Variants in DACH1 observed in about 807,000 individuals in gnomAD.
The protein encoded by DACH1 is dachshund family transcription factor 1, also known as dachshund homolog 1.
In DACH1, 12 loss-of-function variants were observed where a neutral mutation model predicts 54.2. That is an observed-to-expected ratio of 0.22 (90% confidence interval 0.14 to 0.36). DACH1 has a LOEUF of 0.36. DACH1 is among the 10% of genes least tolerant of loss of function. The probability of loss-of-function intolerance (pLI) is 1.00; values close to 1 mark genes in which losing one functional copy is unlikely to be tolerated. For missense variants in DACH1, 805 were observed against 929.8 expected, an observed-to-expected ratio of 0.87 and a Z score of 1.75; for synonymous variants, 386 against 366.2, an observed-to-expected ratio of 1.05 and a Z score of -0.62.
chr13:71,579,026 AT>A (rs1885705052), intron 3 of DACH1, among the ~76,000 whole-genome samples: 1 of 152,010 alleles, frequency 6.6e-6, no homozygotes, highest in South Asian at 2.1e-4. Flanking sequence ...ATAATTAGAT[AT>A]TTTTCTTTAG....
At chr13:71,738,367 C>T (rs1884230191) in intron 1 of DACH1, among the ~76,000 whole-genome samples, 1 of 151,974 alleles carries the variant, frequency 6.6e-6, no homozygotes, top group South Asian at 2.1e-4. Context: ...GATACATTTA[C>T]AATATTAATT....
intron 10 of DACH1, among the ~76,000 whole-genome samples, chr13:71,448,129 CTT>C (rs756788851): frequency 3.9e-5 from 6 of 152,160 alleles, no homozygotes; most frequent in Non-Finnish European, 8.8e-5. Flanking sequence ...TTGTTCAAAA[CTT>C]ATATCCAGGC....
intron 6 of DACH1, among the ~76,000 whole-genome samples, chr13:71,539,977 A>C (rs1883029415): frequency 1.3e-5 from 2 of 152,154 alleles, no homozygotes; most frequent in South Asian, 4.1e-4. Flanking sequence ...TGCATCAAAA[A>C]TATGGTAAAT....
intron 10 of DACH1, among the ~76,000 whole-genome samples, chr13:71,453,273 A>G (rs958253035): frequency 3.3e-5 from 5 of 152,334 alleles, no homozygotes; most frequent in East Asian, 1.9e-4. Flanking sequence ...AAATAATCAT[A>G]TAAGTGCAAA....
At chr13:71,461,472 C>T (rs985334142) in intron 10 of DACH1, among the ~76,000 whole-genome samples, 8 of 151,836 alleles carry the variant, frequency 5.3e-5, no homozygotes, top group Non-Finnish European at 8.8e-5. Flanking sequence ...ATAAATAAGC[C>T]CGCATCATAC....
chr13:71,523,136 G>A (rs868376689), intron 6 of DACH1, among the ~76,000 whole-genome samples: 1 of 152,044 alleles, frequency 6.6e-6, no homozygotes, highest in Admixed American at 6.6e-5. Flanking sequence ...AGCCCCTTGT[G>A]CTCTGGCGTA....
intron 3 of DACH1, among the ~76,000 whole-genome samples, chr13:71,608,112 C>T (rs1593977318): frequency 6.6e-6 from 1 of 151,024 alleles, no homozygotes; most frequent in Non-Finnish European, 1.5e-5. Flanking sequence ...TGAATTTATC[C>T]TTAAGAGAGA....
chr13:71,809,579 A>G (rs934727096), intron 1 of DACH1, among the ~76,000 whole-genome samples: 17 of 152,222 alleles, frequency 1.1e-4, no homozygotes, highest in African/African-American at 3.9e-4. Context: ...ACATATAAGG[A>G]ATATTTTTTT....
chr13:71,564,372 T>A (rs1027429333), intron 4 of DACH1, among the ~76,000 whole-genome samples: 2 of 151,566 alleles, frequency 1.3e-5, no homozygotes, highest in Non-Finnish European at 2.9e-5. Flanking sequence ...TAGTCCTGAA[T>A]CAACTTTACC....
chr13:71,598,849 CT>C (rs1874297884), intron 3 of DACH1, among the ~76,000 whole-genome samples: 1 of 152,146 alleles, frequency 6.6e-6, no homozygotes, highest in Non-Finnish European at 1.5e-5. Flanking sequence ...GGGAAAGATA[CT>C]CTTGGGCACC....
intron 10 of DACH1, among the ~76,000 whole-genome samples, chr13:71,453,648 G>A (rs1259729287): frequency 2.0e-5 from 3 of 152,044 alleles, no homozygotes; most frequent in Non-Finnish European, 2.9e-5. Flanking sequence ...TCTCCAACAT[G>A]ACTAATTTGT....
chr13:71,655,706 T>A (rs180752015), intron 2 of DACH1, among the ~76,000 whole-genome samples: 5 of 152,278 alleles, frequency 3.3e-5, no homozygotes, highest in South Asian at 2.1e-4. Flanking sequence ...AAATAAAAAT[T>A]AAAATTAAAA....
intron 6 of DACH1, among the ~76,000 whole-genome samples, chr13:71,551,205 T>C (rs1311469558): frequency 6.6e-6 from 1 of 152,228 alleles, no homozygotes; most frequent in East Asian, 1.9e-4. Flanking sequence ...TGTATATATT[T>C]TGGGAGTACA....
At chr13:71,692,903 C>T (rs1418520603) in intron 1 of DACH1, among the ~76,000 whole-genome samples, 1 of 152,062 alleles carries the variant, frequency 6.6e-6, no homozygotes, top group African/African-American at 2.4e-5. Context: ...GTTATATTAT[C>T]AACTACATAG....
chr13:71,480,645 TA>T (rs1157785016), intron 7 of DACH1, among the ~76,000 whole-genome samples: 4 of 152,154 alleles, frequency 2.6e-5, no homozygotes, highest in Non-Finnish European at 4.4e-5. Context: ...CAACTGAAGT[TA>T]AAATGAGATG....
At chr13:71,692,370 T>C (rs1256051953) in intron 1 of DACH1, among the ~76,000 whole-genome samples, 1 of 152,108 alleles carries the variant, frequency 6.6e-6, no homozygotes, top group African/African-American at 2.4e-5. Context: ...ACTGTCTGCA[T>C]ATTTCTGACT....
chr13:71,652,730 T>C (rs1261152291), intron 2 of DACH1, among the ~76,000 whole-genome samples: 2 of 152,180 alleles, frequency 1.3e-5, no homozygotes, highest in Admixed American at 6.5e-5. Context: ...CTGAATTATA[T>C]TGTTATCATG....
chr13:71,683,876 A>G (rs189257753), intron 1 of DACH1, among the ~76,000 whole-genome samples: 1 of 152,148 alleles, frequency 6.6e-6, no homozygotes, highest in Admixed American at 6.5e-5. Context: ...ATGAATGCTT[A>G]TGTGCTGGAA....
At chr13:71,457,328 C>T (rs9529897) in intron 10 of DACH1, among the ~76,000 whole-genome samples, 115,056 of 151,854 alleles carry the variant, frequency 0.76, 46,523 homozygotes, top group South Asian at 0.9. Flanking sequence ...GACACTTTGT[C>T]ATAGATAAAA....
Sources: allele counts gnomAD v4.1 joint callset (sites outside exome capture counted in the v4.1 genomes callset), GRCh38; gene constraint gnomAD v4.1.1; transcripts MANE v1.5; gene names NCBI Gene and HGNC (gene_info 2026-07-23, HGNC 2026-07-21).